NUMBL: variants seen among roughly 807,000 people sequenced by gnomAD.
NUMBL encodes numb-like protein.
NUMBL carries 20 observed loss-of-function variants against 48.9 expected under a neutral mutation model. That is an observed-to-expected ratio of 0.41 (90% CI 0.29 to 0.59). The LOEUF is 0.59. Ranked by LOEUF, NUMBL falls within the 20% of genes least tolerant of loss-of-function variation. The pLI, the probability that NUMBL is intolerant of heterozygous loss-of-function variation, is 0.31. For missense variants in NUMBL, 660 were observed against 846.2 expected, an observed-to-expected ratio of 0.78 and a Z score of 2.73; for synonymous variants, 340 against 348.7, an observed-to-expected ratio of 0.98 and a Z score of 0.28.
In NUMBL at chr19:40,667,606, A is replaced by AG; in HGVS notation, c.1691dup (p.Glu565Ter). The AG allele has an allele frequency of 6.4e-7, 1 of 1,554,024 alleles. No individual in the cohort carries two copies. ...CTGGAGCTGGGGCAGGCGCTGGCTC[A>AG]GGGGGCCAGGGGGCCCCATTGGGGC... On this transcript the variant is annotated frameshift_variant, in exon 10 of 10. Coordinates refer to ENST00000252891, the MANE Select transcript of NUMBL (RefSeq NM_004756.5). LOFTEE classifies it high-confidence loss of function. The surrounding 1 kb of genome is among the most constrained non-coding windows in gnomAD (Gnocchi z 6.1).
At chr19:40,679,078 C>T (rs533016194) in intron 6 of NUMBL, among the ~76,000 whole-genome samples, 8 of 152,048 alleles carry the variant, frequency 5.3e-5, no homozygotes, top group East Asian at 3.9e-4. Flanking sequence ...GGCAACAGAG[C>T]GAGACTCCGT....
intron 6 of NUMBL, among the ~76,000 whole-genome samples, chr19:40,678,321 C>G (rs1045336016): frequency 6.6e-6 from 1 of 152,136 alleles, no homozygotes; most frequent in Non-Finnish European, 1.5e-5. Flanking sequence ...CGCCACCACA[C>G]CTGGTTAATT....
intron 2 of NUMBL, chr19:40,684,786 A>T: frequency 1.9e-6 from 1 of 523,060 alleles, no homozygotes; most frequent in Admixed American, 3.7e-5. Context: ...CTGGGGATTC[A>T]GAACCATGGG....
At chr19:40,690,335 C>A (rs2081958838) in intron 1 of NUMBL, 125 bp downstream of exon 1, 1 of 528,076 alleles carries the variant, frequency 1.9e-6, no homozygotes, top group Admixed American at 4.5e-5. Context: ...GGACCCCCAC[C>A]CGGGACCACC....
intron 9 of NUMBL, among the ~76,000 whole-genome samples, chr19:40,668,431 G>T (rs2081828645): frequency 6.6e-6 from 1 of 152,142 alleles, no homozygotes; most frequent in Non-Finnish European, 1.5e-5. Context: ...CTACCCTTCT[G>T]ACTGGTCAGT....
At chr19:40,677,092 G>T (rs2081880187) in intron 7 of NUMBL, 140 bp downstream of exon 7, 1 of 900,572 alleles carries the variant, frequency 1.1e-6, no homozygotes, top group Non-Finnish European at 1.7e-6. Context: ...GGGATTACAG[G>T]TGTGAACCAT....
chr19:40,684,587 G>C (rs1266054066), intron 2 of NUMBL, 31 bp from the exon 3 acceptor site: 17 of 1,579,404 alleles, frequency 1.1e-5, no homozygotes, highest in Non-Finnish European at 1.3e-5. Context: ...TGTGGGTCAA[G>C]GGTGGGGGTC....
intron 8 of NUMBL, 47 bp from the exon 9 acceptor site, chr19:40,670,067 G>A: frequency 6.3e-7 from 1 of 1,594,616 alleles, no homozygotes; most frequent in East Asian, 2.3e-5. Flanking sequence ...CCCAGACCCT[G>A]CCGCAGCCCC....
chr19:40,683,881 G>A (rs957453189), intron 3 of NUMBL, among the ~76,000 whole-genome samples: 4 of 151,182 alleles, frequency 2.6e-5, no homozygotes, highest in Admixed American at 6.6e-5. Flanking sequence ...GGACTCGAGT[G>A]AGCCTCCCAC....
rs199881260 is a variant in NUMBL at position 40,667,780 on chromosome 19, G to A, written c.1518C>T (p.Pro506=). 23 of 1,579,726 alleles carry A rather than the reference G, an allele frequency of 1.5e-5. No homozygotes were observed. The highest frequency in any genetic ancestry group is 1.7e-4 in the Middle Eastern group (1 of 6,008). The part of the protein sequence containing the change: ...GLGYPPMPRV[P]VVGITPSQMV... ...TCTGTGAGGGTGTGATGCCCACCAC[G>A]GGCACCCGGGGCATCGGTGGGTAGC... Residue 506 remains proline, a synonymous_variant, in exon 10 of 10, where the codon CCC becomes CCT. Coordinates refer to ENST00000252891, the MANE Select transcript of NUMBL (RefSeq NM_004756.5). The surrounding 1 kb of genome is among the most constrained non-coding windows in gnomAD (Gnocchi z 6.1).
intron 6 of NUMBL, among the ~76,000 whole-genome samples, chr19:40,678,643 G>A (rs560204086): frequency 2.6e-5 from 4 of 152,086 alleles, no homozygotes; most frequent in African/African-American, 9.6e-5. Context: ...ACAAATGTTT[G>A]TCATTTAAGC....
chr19:40,679,550 T>C (rs895045688), intron 6 of NUMBL, among the ~76,000 whole-genome samples: 3 of 152,068 alleles, frequency 2.0e-5, no homozygotes, highest in Non-Finnish European at 4.4e-5. Context: ...TGATGGTGCA[T>C]GTCTGTAATC....
intron 3 of NUMBL, 117 bp downstream of exon 3, chr19:40,684,300 T>A: frequency 8.4e-7 from 1 of 1,186,224 alleles, no homozygotes; most frequent in Non-Finnish European, 1.2e-6. Context: ...CCTCACGCTT[T>A]TTAACACCAA....
In NUMBL at chr19:40,667,899, C is replaced by T. The variant is rs140719127; in HGVS notation, c.1399G>A (p.Val467Met). ...GCAGGTGCAGCGTCAAAGGGCCCCA[C>T]GGGGGCGGGGAAAGGCTGCAGGGCA... ...PPALQPFPAP[V>M]GPFDAAPAQV... The change falls in exon 10 of 10, where the codon GTG (valine) becomes ATG (methionine). Residue 467 changes from valine (V) to methionine (M), a missense_variant. Physicochemically the swap from Val to Met is conservative, Grantham distance 21. Transcript: ENST00000252891. The surrounding 1 kb of genome is among the most constrained non-coding windows in gnomAD (Gnocchi z 6.1). 830 of 1,576,644 alleles carry T rather than the reference C, an allele frequency of 5.3e-4. 4 individuals are homozygous for T. In the African/African-American group the frequency reaches 8.7e-3, roughly 17 times the overall value.
In NUMBL at chr19:40,684,458, C is replaced by T; in HGVS notation, c.208G>A (p.Glu70Lys). 6.3e-7 allele frequency: 1 copy of T among 1,584,514 alleles called. No individual in the cohort carries two copies. Among genetic ancestry groups the T allele is most frequent in the Non-Finnish European group, 8.6e-7 (1 of 1,167,148 alleles). The stretch of plus-strand genomic sequence containing the variant: ...CACGTGCCCTTCCGCACCGCGTCCT[C>T]GTCTGCCTGCCACTGGTGCGGGCGC... ...ASRPHQWQAD[E>K]DAVRKGTCSF... The change falls in exon 3 of 10, where the codon GAG becomes AAG. Residue 70 changes from glutamate to lysine, a missense_variant. Around this residue, in one of 3 missense-constraint regions of NUMBL, gnomAD observed 278 missense variants for 420.6 expected, o/e 0.66. Coordinates refer to ENST00000252891, the MANE Select transcript of NUMBL (RefSeq NM_004756.5).
intron 1 of NUMBL, among the ~76,000 whole-genome samples, chr19:40,689,034 G>A (rs2081948257): frequency 1.3e-5 from 2 of 152,168 alleles, no homozygotes; most frequent in East Asian, 1.9e-4. Flanking sequence ...ACAGACAGGT[G>A]TGTGTCACTC....
rs769804111 is a variant in NUMBL, at chr19:40,682,984, A to AT, written c.250-17dup. 28 of 1,534,028 alleles carry AT rather than the reference A, an allele frequency of 1.8e-5. No homozygotes were observed. In the East Asian group the frequency reaches 5.7e-4, roughly 32 times the overall value. ...GACCCAGGTACTTGGGTTGGAGGGA[A>AT]TGGGGGGGGGGACATGAAACAGCAC... On this transcript the variant is annotated splice_polypyrimidine_tract_variant and intron_variant, in intron 3 of 9. Transcript: ENST00000252891. This position sits in a 1 kb window ranked among gnomAD's most constrained non-coding sequence, Gnocchi z 4.0.
intron 7 of NUMBL, 112 bp downstream of exon 7, chr19:40,677,120 A>T (rs1018749514): frequency 1.7e-6 from 2 of 1,184,272 alleles, no homozygotes; most frequent in Non-Finnish European, 2.4e-6. Flanking sequence ...GGCCTGAAGC[A>T]TCCCCTACTT....
At chr19:40,684,358 A>G in intron 3 of NUMBL, 59 bp downstream of exon 3, 3 of 1,507,586 alleles carry the variant, frequency 2.0e-6, no homozygotes, top group South Asian at 1.2e-5. Flanking sequence ...GCACCCGCAC[A>G]GCACAGCACA....
Sources: allele counts gnomAD v4.1 joint callset (sites outside exome capture counted in the v4.1 genomes callset), GRCh38; gene constraint gnomAD v4.1.1; regional missense constraint gnomAD v4.1.1; non-coding constraint Gnocchi (gnomAD v3.1); transcripts MANE v1.5; gene names NCBI Gene and HGNC (gene_info 2026-07-23, HGNC 2026-07-21).